PPFIA3: variants seen among roughly 807,000 people sequenced by gnomAD.
PPFIA3 encodes the protein liprin-alpha-3.
In PPFIA3, 26 loss-of-function variants were observed where a neutral mutation model predicts 145.8. That is an observed-to-expected ratio of 0.18 (90% confidence interval 0.13 to 0.25). PPFIA3 has a LOEUF of 0.25. Among genes scored for constraint, PPFIA3 ranks in the 10% least tolerant of loss-of-function variants. The pLI is 1.00. For synonymous variants in PPFIA3, 645 were observed against 661.4 expected, an observed-to-expected ratio of 0.98 and a Z score of 0.38; for missense variants, 1,008 against 1,587.8, an observed-to-expected ratio of 0.63 and a Z score of 6.21.
intron 17 of PPFIA3, 42 bp downstream of exon 17, chr19:49,139,873 G>A (rs931702508): frequency 6.2e-7 from 1 of 1,610,846 alleles, no homozygotes; most frequent in African/African-American, 1.3e-5. Context: ...AAGCTGGCTT[G>A]GGAAGATGAG....
rs992450374 is a variant in PPFIA3, at chr19:49,132,050, T to A, written c.880-951T>A. ...AAAAAAGTTGAGGCATAAGAATCAC[T>A]TGAGCTTGGGAGGTGGAAGTTGCAG... On this transcript the variant is annotated intron_variant, in intron 7 of 29. Transcript: ENST00000334186. Among the ~76,000 whole-genome samples the A allele has an allele frequency of 3.4e-5, 5 of 147,822 alleles. No individual in the cohort carries two copies. The Admixed American group carries it at 3.4e-4, about 10-fold the overall frequency.
In PPFIA3 at chr19:49,145,665, T is replaced by A. The variant is rs2041271769; in HGVS notation, c.2746-278T>A. On this transcript the variant is annotated intron_variant, in intron 21 of 29. Coordinates refer to ENST00000334186, the MANE Select transcript of PPFIA3 (RefSeq NM_003660.4). ...TCTGAATCCTCATTCTGTACCTCTG[T>A]GTGAGGTCAGCGAGGTGACGTCATT... is the stretch of plus-strand genomic sequence containing the variant. 1.3e-5 allele frequency: 6 copies of A among 479,894 alleles called. 1 individual carries two copies. The South Asian group carries it at 1.3e-4, about 11-fold the overall frequency. The allele number at this position is 479,894 out of a possible 1,614,324, so 29.7% of individuals were successfully genotyped here. A position where few individuals can be genotyped will look rare whatever the true frequency, so the allele number is the denominator to read the frequency against.
intron 1 of PPFIA3, among the ~76,000 whole-genome samples, chr19:49,122,963 C>T (rs958058155): frequency 2.0e-5 from 3 of 151,562 alleles, no homozygotes; most frequent in African/African-American, 7.3e-5. Context: ...CCTCGTGATC[C>T]ACCTGCCTCT....
Position 49,128,524 on chromosome 19 carries a change from T to TG in PPFIA3, c.342+62dup, listed in dbSNP as rs1803075533. ...GGGGCGGGGCCTCGTGGTGTTGAAG[T>TG]GGGGGGCGGGGCCTCTCAGTGTTGC... On this transcript the variant is annotated intron_variant, in intron 3 of 29. Transcript: ENST00000334186. The surrounding 1 kb of genome is among the most constrained non-coding windows in gnomAD (Gnocchi z 4.1). 2 of 1,011,224 alleles carry TG rather than the reference T, an allele frequency of 2.0e-6. No individual in the cohort carries two copies. Among genetic ancestry groups the TG allele is most frequent in the Non-Finnish European group, 2.8e-6 (2 of 705,894 alleles). The allele number at this position is 1,011,224 out of a possible 1,614,324, so 62.6% of individuals were successfully genotyped here. A position where few individuals can be genotyped will look rare whatever the true frequency, so the allele number is the denominator to read the frequency against.
chr19:49,129,893 A>T, intron 5 of PPFIA3, 100 bp from the exon 6 acceptor site: 1 of 1,288,026 alleles, frequency 7.8e-7, no homozygotes, highest in East Asian at 2.3e-5. Context: ...GAGGCATCTC[A>T]TATGGGGCCG....
Position 49,148,093 on chromosome 19 carries a change from A to G in PPFIA3, c.2846A>G (p.Tyr949Cys). Reference sequence around the variant, plus strand: ...TGCCCATGGCCCCAGATCCTGGCATATGGCGACATGAACCACGAGTGGGTG... The same window carrying G: ...TGCCCATGGCCCCAGATCCTGGCATGTGGCGACATGAACCACGAGTGGGTG... Reference protein sequence around the residue: ...KEISWEQILAYGDMNHEWVGN... With the variant: ...KEISWEQILACGDMNHEWVGN... The change falls in exon 24 of 30, where the codon TAT becomes TGT. Residue 949 changes from tyrosine to cysteine, a missense_variant. By Grantham distance (194) the Tyr-to-Cys change is radical. Coordinates refer to ENST00000334186, the MANE Select transcript of PPFIA3 (RefSeq NM_003660.4). The G allele has an allele frequency of 6.2e-7, 1 of 1,612,528 alleles. No homozygotes were observed. Among genetic ancestry groups the G allele is most frequent in the Non-Finnish European group, 8.5e-7 (1 of 1,179,128 alleles).
intron 1 of PPFIA3, among the ~76,000 whole-genome samples, chr19:49,122,450 G>T (rs1275462727): frequency 6.6e-6 from 1 of 152,136 alleles, no homozygotes; most frequent in East Asian, 1.9e-4. Context: ...CCTCAGACAT[G>T]TTCCAAAGTT....
intron 1 of PPFIA3, among the ~76,000 whole-genome samples, chr19:49,122,007 A>G (rs2040941877): frequency 6.7e-6 from 1 of 148,700 alleles, no homozygotes; most frequent in African/African-American, 2.5e-5. Context: ...ACACCAGAAC[A>G]CTCCCAGCTG....
intron 1 of PPFIA3, among the ~76,000 whole-genome samples, chr19:49,126,025 A>C (rs1310228820): frequency 1.3e-5 from 2 of 151,634 alleles, no homozygotes; most frequent in Admixed American, 6.6e-5. Context: ...ATCTTGGCTC[A>C]CCGCAACCTC....
chr19:49,131,658 T>C (rs2122564088), intron 7 of PPFIA3, among the ~76,000 whole-genome samples: 1 of 150,470 alleles, frequency 6.6e-6, no homozygotes, highest in Admixed American at 6.6e-5. Context: ...ACCCCGTCAC[T>C]ACTTAAAAAA....
intron 1 of PPFIA3, among the ~76,000 whole-genome samples, chr19:49,125,933 G>GTTT (rs67726449): frequency 1.3e-4 from 19 of 149,310 alleles, no homozygotes; most frequent in African/African-American, 4.2e-4. Context: ...TATTTTTTTT[G>GTTT]TTTTTTTTTG....
Position 49,130,470 on chromosome 19 carries a change from C to T in PPFIA3, c.750C>T (p.Cys250=), listed in dbSNP as rs773064997. The part of the protein sequence containing the change: ...EALERQRAEV[C]QLRERLAVLC... The stretch of plus-strand genomic sequence containing the variant: ...TGGAGCGGCAGCGCGCCGAGGTGTG[C>T]CAGCTGCGGGAGCGCCTGGCGGTGC... The change falls in exon 7 of 30, where the codon TGC becomes TGT. Residue 250 remains cysteine (C), a synonymous_variant. Transcript: ENST00000334186. The surrounding 1 kb of genome is among the most constrained non-coding windows in gnomAD (Gnocchi z 4.5). The T allele has an allele frequency of 2.5e-6, 4 of 1,607,424 alleles. No individual in the cohort carries two copies. In the African/African-American group the frequency reaches 5.3e-5, roughly 21 times the overall value.
In PPFIA3 at chr19:49,150,749, T is replaced by G. The variant is rs8044; in HGVS notation, c.*527T>G. On this transcript the variant is annotated 3_prime_UTR_variant, in exon 30 of 30. Coordinates refer to ENST00000334186, the MANE Select transcript of PPFIA3 (RefSeq NM_003660.4). ...GTCCCCCGGGTCATCTGCGGGCGGG[T>G]TCCCCTCTCCCTCCCCCGTGTCTCG... 100,391 of 152,942 alleles carry G rather than the reference T, an allele frequency of 0.66. 34,535 individuals carry two copies. The highest frequency in any genetic ancestry group is 0.85 in the African/African-American group (35,241 of 41,560). 9.5% of individuals were successfully genotyped at this position (152,942 alleles called of 1,614,324 possible). A position where few individuals can be genotyped will look rare whatever the true frequency, so the allele number is the denominator to read the frequency against.
Position 49,150,335 on chromosome 19 carries a change from C to T in PPFIA3, c.*113C>T. On this transcript the variant is annotated 3_prime_UTR_variant, in exon 30 of 30. Coordinates refer to ENST00000334186, the MANE Select transcript of PPFIA3 (RefSeq NM_003660.4). ...GGGAGAGCGGGCGGGGGAGCTCGCG[C>T]CGAGGACTGGACCATCTGTACAGAC... The T allele has an allele frequency of 1.6e-6, 1 of 627,234 alleles. No individual in the cohort carries two copies. Among genetic ancestry groups the T allele is most frequent in the Non-Finnish European group, 2.7e-6 (1 of 366,080 alleles). The allele number at this position is 627,234 out of a possible 1,614,324, so 38.9% of individuals were successfully genotyped here.
intron 1 of PPFIA3, among the ~76,000 whole-genome samples, chr19:49,121,330 T>C (rs2040934230): frequency 6.6e-6 from 1 of 152,160 alleles, no homozygotes; most frequent in Non-Finnish European, 1.5e-5. Flanking sequence ...TTTATTTATT[T>C]TGAGACAAGG....
rs571959021 is a variant in PPFIA3 at position 49,121,983 on chromosome 19, T to C, written c.-16+2261T>C. On this transcript the variant is annotated intron_variant, in intron 1 of 29. Transcript: ENST00000334186. ...TGTGCTCTTGCATTGCTCCATGTTC[T>C]AGATTCCTTCTAAACACCAGAACAC... Among the ~76,000 whole-genome samples the C allele has an allele frequency of 5.9e-5, 9 of 152,114 alleles. No homozygotes were observed. In the South Asian group the frequency reaches 1.9e-3, roughly 32 times the overall value.
At chr19:49,136,997 G>A (rs2041146367) in intron 15 of PPFIA3, 86 bp downstream of exon 15, 1 of 1,285,582 alleles carries the variant, frequency 7.8e-7, no homozygotes, top group African/African-American at 1.5e-5. Context: ...GAAAGCCTGA[G>A]TCCGTCTCCT....
intron 21 of PPFIA3, among the ~76,000 whole-genome samples, chr19:49,144,863 ACAC>A (rs1013301494): frequency 6.6e-6 from 1 of 151,898 alleles, no homozygotes; most frequent in Non-Finnish European, 1.5e-5. Context: ...TTCCTTGTAA[ACAC>A]CACATCCTTT....
At chr19:49,142,509 C>T (rs1161696104) in intron 20 of PPFIA3, among the ~76,000 whole-genome samples, 3 of 151,580 alleles carry the variant, frequency 2.0e-5, no homozygotes, top group Non-Finnish European at 4.4e-5. Context: ...TCTCTCCCCA[C>T]CCTCTATTTC....
Sources: gnomAD v4.1 joint callset for allele counts (sites outside exome capture counted in the v4.1 genomes callset) on GRCh38, gnomAD v4.1.1 for gene constraint, Gnocchi (gnomAD v3.1) non-coding constraint, MANE v1.5 for transcripts, NCBI Gene and HGNC (gene_info 2026-07-23, HGNC 2026-07-21) for gene names.